ACVR1C: variants seen among roughly 807,000 people sequenced by gnomAD.
The protein encoded by ACVR1C is activin receptor type-1C.
A neutral mutation model predicts 57.9 loss-of-function variants in ACVR1C; 23 were observed. The ratio of observed to expected loss-of-function variants is 0.40; its 90% confidence interval spans 0.29 to 0.56. The LOEUF is 0.56. Ranked by LOEUF, ACVR1C falls within the 20% of genes least tolerant of loss-of-function variation. ACVR1C has a pLI of 0.50. For missense variants in ACVR1C, 480 were observed against 607.9 expected (o/e 0.79, Z 2.21); for synonymous variants, 214 against 215.3 (o/e 0.99, Z 0.05).
chr2:157,540,994 T>C, intron 7 of ACVR1C, 96 bp downstream of exon 7: 6 of 1,393,874 alleles, frequency 4.3e-6, no homozygotes, highest in Non-Finnish European at 5.8e-6. Flanking sequence ...AAGAAACTGA[T>C]TGAATATAGT....
intron 5 of ACVR1C, 126 bp downstream of exon 5, chr2:157,544,319 A>T: frequency 3.4e-6 from 3 of 870,280 alleles, no homozygotes; most frequent in African/African-American, 1.8e-5. Context: ...TGCTGGGATT[A>T]TGGGTATAAG....
chr2:157,600,328 A>G (rs1176321244), intron 1 of ACVR1C, among the ~76,000 whole-genome samples: 1 of 152,370 alleles, frequency 6.6e-6, no homozygotes, highest in Non-Finnish European at 1.5e-5. Flanking sequence ...TACTCAATCT[A>G]TTTGGGAAAT....
At chr2:157,575,608 A>G (rs2105244828) in intron 2 of ACVR1C, among the ~76,000 whole-genome samples, 1 of 152,244 alleles carries the variant, frequency 6.6e-6, no homozygotes, top group Middle Eastern at 3.4e-3. Context: ...AAGTCCTCCA[A>G]ACACTGCCAT....
rs145179974 is a variant in ACVR1C, at chr2:157,543,124, T to G, written c.944-262A>C. Among the ~76,000 whole-genome samples the G allele has an allele frequency of 7.5e-3, 1,141 of 152,292 alleles. 11 individuals are homozygous for G. Among genetic ancestry groups the G allele is most frequent in the African/African-American group, 0.026 (1,069 of 41,550 alleles). ...TTAGAGCACTAGATGACTAGATCAC[T>G]AATAAACATTTTTTAATAGATGGGG... On this transcript the variant is annotated intron_variant, in intron 5 of 8. Coordinates refer to ENST00000243349, the MANE Select transcript of ACVR1C (RefSeq NM_145259.3).
intron 2 of ACVR1C, among the ~76,000 whole-genome samples, chr2:157,562,158 T>C (rs1044075295): frequency 4.0e-5 from 6 of 151,826 alleles, no homozygotes; most frequent in Non-Finnish European, 7.4e-5. Flanking sequence ...TAGCCGGGCA[T>C]GGTGGCGCGT....
intron 1 of ACVR1C, among the ~76,000 whole-genome samples, chr2:157,606,048 A>G (rs1002607359): frequency 4.0e-5 from 6 of 151,648 alleles, no homozygotes; most frequent in Non-Finnish European, 7.4e-5. Context: ...ATGAGAACAT[A>G]TGGTATCTGT....
intron 1 of ACVR1C, among the ~76,000 whole-genome samples, chr2:157,600,733 T>A (rs901895837): frequency 1.3e-5 from 2 of 151,862 alleles, no homozygotes; most frequent in Non-Finnish European, 2.9e-5. Context: ...AAGTTCAGAG[T>A]TGAAAAGGGA....
Position 157,607,385 on chromosome 2 carries a change from T to C in ACVR1C, c.74-19968A>G, listed in dbSNP as rs532807325. 7.3e-5 allele frequency among the ~76,000 whole-genome samples: 11 copies of C among 151,696 alleles called. No individual in the cohort carries two copies. The South Asian group carries it at 8.3e-4, about 11-fold the overall frequency. On this transcript the variant is annotated intron_variant, in intron 1 of 8. Transcript: ENST00000243349. ...GGTCACTATAGCCTTCCAATATGTT[T>C]TGAAGTCAGTTAGGATAATGTCTCC... is the stretch of plus-strand genomic sequence containing the variant.
intron 1 of ACVR1C, among the ~76,000 whole-genome samples, chr2:157,622,046 G>A (rs1409818917): frequency 6.6e-6 from 1 of 152,054 alleles, no homozygotes; most frequent in Non-Finnish European, 1.5e-5. Flanking sequence ...GGTATTCCTA[G>A]GTCCCATTAG....
intron 2 of ACVR1C, among the ~76,000 whole-genome samples, chr2:157,557,377 C>T (rs1366577229): frequency 6.6e-6 from 1 of 152,142 alleles, no homozygotes; most frequent in Non-Finnish European, 1.5e-5. Flanking sequence ...TGCAAGAAGA[C>T]AGTTGGGAGA....
intron 3 of ACVR1C, among the ~76,000 whole-genome samples, chr2:157,552,885 T>C (rs535334115): frequency 6.6e-6 from 1 of 152,324 alleles, no homozygotes; most frequent in East Asian, 1.9e-4. Flanking sequence ...GTAGGTTCAT[T>C]TCAATCTTTT....
intron 2 of ACVR1C, among the ~76,000 whole-genome samples, chr2:157,562,209 C>A (rs890052195): frequency 6.6e-6 from 1 of 151,070 alleles, no homozygotes; most frequent in East Asian, 1.9e-4. Flanking sequence ...GTAGAAGAAT[C>A]GCTTGAACCC....
intron 1 of ACVR1C, among the ~76,000 whole-genome samples, chr2:157,596,070 G>C (rs113691977): frequency 2.0e-5 from 3 of 152,072 alleles, no homozygotes; most frequent in Non-Finnish European, 4.4e-5. Context: ...CTGTCAGTGC[G>C]GTAAAATCCA....
At chr2:157,534,320 C>T (rs948184262) in intron 8 of ACVR1C, among the ~76,000 whole-genome samples, 1 of 151,994 alleles carries the variant, frequency 6.6e-6, no homozygotes, top group African/African-American at 2.4e-5. Context: ...GCCATTGATG[C>T]TAACTAAGTT....
Position 157,534,018 on chromosome 2 carries a change from A to G in ACVR1C, c.1382T>C (p.Met461Thr). 6.3e-7 allele frequency: 1 copy of G among 1,583,326 alleles called. No homozygotes were observed. Among genetic ancestry groups the G allele is most frequent in the Non-Finnish European group, 8.6e-7 (1 of 1,167,784 alleles). Residue 461 changes from methionine (M) to threonine (T), a missense_variant, in exon 9 of 9, where the codon ATG becomes ACG. Coordinates refer to ENST00000243349, the MANE Select transcript of ACVR1C (RefSeq NM_145259.3). ...TCCGTTGGCATACCAACACTCACGC[A>G]TTATTCTCCCCATGACTCGGAGTGC... ...CEALRVMGRI[M>T]RECWYANGAA...
chr2:157,622,390 A>G (rs1467220472), intron 1 of ACVR1C, among the ~76,000 whole-genome samples: 2 of 152,184 alleles, frequency 1.3e-5, no homozygotes, highest in African/African-American at 4.8e-5. Flanking sequence ...AGTAACCAAA[A>G]CAGCATGGTA....
At chr2:157,540,445 A>G (rs1687597837) in intron 7 of ACVR1C, among the ~76,000 whole-genome samples, 1 of 151,482 alleles carries the variant, frequency 6.6e-6, no homozygotes, top group African/African-American at 2.4e-5. Context: ...ATGAGCCACC[A>G]TGCCCGGCAT....
intron 8 of ACVR1C, 124 bp downstream of exon 8, chr2:157,538,449 T>C (rs1167634167): frequency 1.0e-6 from 1 of 955,692 alleles, no homozygotes; most frequent in African/African-American, 1.7e-5. Flanking sequence ...TCTGAAGACT[T>C]ATAAAAAGAC....
intron 1 of ACVR1C, among the ~76,000 whole-genome samples, chr2:157,618,119 C>A (rs1188928561): frequency 2.6e-5 from 4 of 151,692 alleles, no homozygotes; most frequent in Non-Finnish European, 5.9e-5. Context: ...TTTAAAATTT[C>A]TTTAAAGGTA....
Sources: allele counts gnomAD v4.1 joint callset (sites outside exome capture counted in the v4.1 genomes callset), GRCh38; gene constraint gnomAD v4.1.1; transcripts MANE v1.5; gene names NCBI Gene and HGNC (gene_info 2026-07-23, HGNC 2026-07-21).